Variants in TNRC18 observed in about 807,000 individuals in gnomAD.
The protein encoded by TNRC18 is trinucleotide repeat-containing gene 18 protein.
A neutral mutation model predicts 226.7 loss-of-function variants in TNRC18; 69 were observed. The observed-to-expected ratio is 0.30, with a 90% CI of 0.25 to 0.37. The LOEUF is 0.37. Among genes scored for constraint, TNRC18 ranks in the 10% least tolerant of loss-of-function variants. The pLI, the probability that TNRC18 is intolerant of heterozygous loss-of-function variation, is 1.00. For synonymous variants in TNRC18, 2,449 were observed against 1,927.6 expected, an observed-to-expected ratio of 1.27 and a Z score of -7.09; for missense variants, 4,754 against 4,256.6, an observed-to-expected ratio of 1.12 and a Z score of -3.25.
rs1473489767 is a variant in TNRC18 at position 5,362,824 on chromosome 7, A to G, written c.4221T>C (p.Gly1407=). 3.9e-6 allele frequency: 6 copies of G among 1,528,642 alleles called. No homozygotes were observed. The highest frequency in any genetic ancestry group is 4.4e-6 in the Non-Finnish European group (5 of 1,138,544). 94.7% of individuals were successfully genotyped at this position (1,528,642 alleles called of 1,614,324 possible). ...GCCGCGCCACCAGGGCCCGCTCCGC[A>G]CCTGTGGACAGGAGGTAGGTAACAG... ...ELERRSQEMG[G]AERALVARPS... The change falls in exon 12 of 30, where the codon GGT becomes GGC. Residue 1407 remains glycine (G), a splice_region_variant and synonymous_variant. Transcript: ENST00000430969.
At chr7:5,336,278 G>A (rs1412767892) in intron 18 of TNRC18, among the ~76,000 whole-genome samples, 3 of 150,834 alleles carry the variant, frequency 2.0e-5, no homozygotes, top group African/African-American at 4.9e-5. Flanking sequence ...AGAGAAAAAA[G>A]AAAACCAACT....
chr7:5,350,041 C>T (rs1035419572), intron 17 of TNRC18, among the ~76,000 whole-genome samples: 1 of 152,148 alleles, frequency 6.6e-6, no homozygotes, highest in South Asian at 2.1e-4. Flanking sequence ...TGTGGGGTCT[C>T]AGCTGGGGCA....
At chr7:5,417,391 G>A (rs1446643833) in intron 2 of TNRC18, among the ~76,000 whole-genome samples, 1 of 151,984 alleles carries the variant, frequency 6.6e-6, no homozygotes, top group Non-Finnish European at 1.5e-5. Context: ...GATGGACTCA[G>A]CCTGGGAGGT....
intron 2 of TNRC18, among the ~76,000 whole-genome samples, chr7:5,398,510 G>C (rs1221607881): frequency 6.6e-6 from 1 of 151,864 alleles, no homozygotes; most frequent in Non-Finnish European, 1.5e-5. Context: ...GCAGAGATGA[G>C]GTCTTGCGAT....
At chr7:5,399,482 G>A (rs1020228602) in intron 2 of TNRC18, among the ~76,000 whole-genome samples, 10 of 152,126 alleles carry the variant, frequency 6.6e-5, no homozygotes, top group African/African-American at 2.2e-4. Flanking sequence ...GGAGGACGAG[G>A]CGGGCAGATC....
chr7:5,406,821 A>G (rs1358820245), intron 2 of TNRC18, among the ~76,000 whole-genome samples: 1 of 151,030 alleles, frequency 6.6e-6, no homozygotes, highest in African/African-American at 2.5e-5. Flanking sequence ...ACGGCACTCC[A>G]GCCTGGGCGA....
At chr7:5,401,124 C>T (rs1005222786) in intron 2 of TNRC18, among the ~76,000 whole-genome samples, 2 of 151,724 alleles carry the variant, frequency 1.3e-5, no homozygotes, top group African/African-American at 4.9e-5. Flanking sequence ...GACTCACCCA[C>T]CATGTCTGGC....
intron 18 of TNRC18, among the ~76,000 whole-genome samples, chr7:5,339,541 ATGTGTGTGTGTGTG>A (rs71536907): frequency 1.1e-4 from 15 of 137,164 alleles, no homozygotes; most frequent in South Asian, 5.0e-4. Context: ...TGCCCAGCCA[ATGTGTGTGTGTGTG>A]TGTGTGTGTG....
intron 3 of TNRC18, among the ~76,000 whole-genome samples, chr7:5,392,417 C>T (rs898138687): frequency 1.3e-5 from 2 of 151,936 alleles, no homozygotes; most frequent in Admixed American, 6.6e-5. Context: ...GAACCGAGAT[C>T]AGCCTGACCA....
rs1360480232 is a variant in TNRC18 at position 5,388,988 on chromosome 7, G to A, written c.836C>T (p.Ser279Leu). Residue 279 changes from serine to leucine, a missense_variant, in exon 5 of 30, where the codon TCG becomes TTG. Coordinates refer to ENST00000430969, the MANE Select transcript of TNRC18 (RefSeq NM_001080495.3). ...SKTKNAALQP[S>L]VLTMCNGGAG... Reference sequence around the variant, plus strand: ...GCCGCCGTTGCACATGGTCAGTACCGACGGCTGCAGCGCCGCATTCTTGGT... The same window carrying A: ...GCCGCCGTTGCACATGGTCAGTACCAACGGCTGCAGCGCCGCATTCTTGGT... 6 of 1,372,140 alleles carry A rather than the reference G, an allele frequency of 4.4e-6. No individual in the cohort carries two copies. The East Asian group carries it at 1.4e-4, about 33-fold the overall frequency. 85.0% of individuals were successfully genotyped at this position (1,372,140 alleles called of 1,614,324 possible).
chr7:5,369,501 C>T lies in TNRC18; in HGVS notation c.4219+874G>A, dbSNP rs544133627. 3.3e-5 allele frequency among the ~76,000 whole-genome samples: 5 copies of T among 152,236 alleles called. No individual in the cohort carries two copies. The South Asian group carries it at 1.0e-3, about 32-fold the overall frequency. The stretch of plus-strand genomic sequence containing the variant: ...GACCTGGGAGGAACTGACAGACCAC[C>T]CCCCACCCCAGTGAGGACAGTAAGT... On this transcript the variant is annotated intron_variant, in intron 11 of 29. Transcript: ENST00000430969.
At position 5,374,128 on chromosome 7, in the gene TNRC18, G is replaced by C. The variant is rs374599254; in HGVS notation, c.3156C>G (p.Pro1052=). ...AGTCTTTCTTCTCGACCACATTCTCGGGAGCCTCCTCCTTGCGGGTGATAC... is the reference window on the plus strand; with the variant it reads ...AGTCTTTCTTCTCGACCACATTCTCCGGAGCCTCCTCCTTGCGGGTGATAC... ...TPGITRKEEA[P]ENVVEKKDLE... Residue 1052 remains proline (P), a synonymous_variant, in exon 10 of 30, where the codon CCC becomes CCG. Transcript: ENST00000430969. The C allele has an allele frequency of 1.3e-6, 2 of 1,567,762 alleles. No homozygotes were observed. Among genetic ancestry groups the C allele is most frequent in the Non-Finnish European group, 1.7e-6 (2 of 1,160,286 alleles).
At position 5,394,585 on chromosome 7, in the gene TNRC18, G is replaced by C; in HGVS notation, c.198C>G (p.Phe66Leu). The C allele has an allele frequency of 6.5e-7, 1 of 1,546,806 alleles. No individual in the cohort carries two copies. The highest frequency in any genetic ancestry group is 8.7e-7 in the Non-Finnish European group (1 of 1,146,662). Residue 66 changes from phenylalanine (F) to leucine (L), a missense_variant, in exon 3 of 30, where the codon TTC (phenylalanine) becomes TTG (leucine). Transcript: ENST00000430969. The surrounding 1 kb of genome is among the most constrained non-coding windows in gnomAD (Gnocchi z 4.5). Reference protein sequence around the residue: ...LNLHPHPGEAFLGSFVASGMG... With the variant: ...LNLHPHPGEALLGSFVASGMG... ...TCCCGCTGGCCACAAAGCTGCCCAA[G>C]AAGGCCTCGCCTGCAGAGAGAAGTT...
rs138203393 is a variant in TNRC18, at chr7:5,320,630, A to C, written c.6561-23T>G. The C allele has an allele frequency of 2.7e-3, 4,272 of 1,606,340 alleles. 91 individuals carry two copies. The African/African-American group carries it at 0.05, about 19-fold the overall frequency. On this transcript the variant is annotated intron_variant, in intron 22 of 29. Coordinates refer to ENST00000430969, the MANE Select transcript of TNRC18 (RefSeq NM_001080495.3). ...TATCTGTAGGAGCAAACGAGGCGTGAGGTGGCAGAGGCCGAGACCTCCCCA... is the reference window on the plus strand; with the variant it reads ...TATCTGTAGGAGCAAACGAGGCGTGCGGTGGCAGAGGCCGAGACCTCCCCA...
chr7:5,377,884 A>G lies in TNRC18; in HGVS notation c.2255+38T>C, dbSNP rs1337268460. On this transcript the variant is annotated intron_variant, in intron 6 of 29. Transcript: ENST00000430969. The surrounding 1 kb of genome is among the most constrained non-coding windows in gnomAD (Gnocchi z 5.8). Reference sequence around the variant, plus strand: ...GCCCCTCACCCCCAGGGGCTCCTAGATACCCCCTAGACCCTCAGGATCCCC... The same window carrying G: ...GCCCCTCACCCCCAGGGGCTCCTAGGTACCCCCTAGACCCTCAGGATCCCC... 2 of 1,589,978 alleles carry G rather than the reference A, an allele frequency of 1.3e-6. No homozygotes were observed. The highest frequency in any genetic ancestry group is 2.7e-5 in the African/African-American group (2 of 74,436).
At chr7:5,333,808 C>A (rs566092120) in intron 18 of TNRC18, among the ~76,000 whole-genome samples, 30 of 152,320 alleles carry the variant, frequency 2.0e-4, no homozygotes, top group Middle Eastern at 3.4e-3. Context: ...GAGACCCACC[C>A]CACAACCCGG....
chr7:5,333,161 G>T, intron 18 of TNRC18, 112 bp from the exon 19 acceptor site: 1 of 1,213,342 alleles, frequency 8.2e-7, no homozygotes, highest in Non-Finnish European at 1.2e-6. Flanking sequence ...CAATGGCAGC[G>T]CTTCTGCCCG....
chr7:5,345,517 G>GTCCCCC, intron 18 of TNRC18, 45 bp downstream of exon 18: 26 of 377,744 alleles, frequency 6.9e-5, no homozygotes, highest in South Asian at 4.8e-4. Flanking sequence ...AATGGCGTCC[G>GTCCCCC]CCCCTCCCAC....
chr7:5,323,186 C>A (rs1410776882), intron 21 of TNRC18, among the ~76,000 whole-genome samples: 1 of 152,086 alleles, frequency 6.6e-6, no homozygotes, highest in African/African-American at 2.4e-5. Flanking sequence ...GGGCGGCCGA[C>A]TCCTTCTCAC....
Sources: allele counts gnomAD v4.1 joint callset (sites outside exome capture counted in the v4.1 genomes callset), GRCh38; gene constraint gnomAD v4.1.1; non-coding constraint Gnocchi (gnomAD v3.1); transcripts MANE v1.5; gene names NCBI Gene and HGNC (gene_info 2026-07-23, HGNC 2026-07-21).